Variants in GPR139 observed in about 807,000 individuals in gnomAD.
GPR139 encodes the protein G protein-coupled receptor 139.
GPR139 carries 12 observed loss-of-function variants against 25.8 expected under a neutral mutation model. That is an observed-to-expected ratio of 0.47 (90% CI 0.30 to 0.75). GPR139 has a LOEUF of 0.75. GPR139 is among the 30% of genes least tolerant of loss of function. The probability of loss-of-function intolerance (pLI) is 0.07; values close to 1 mark genes in which losing one functional copy is unlikely to be tolerated. For missense variants in GPR139, 380 were observed against 450.2 expected (o/e 0.84, Z 1.41); for synonymous variants, 184 against 179.9 (o/e 1.02, Z -0.18).
rs1278131938 is a variant in GPR139, at chr16:20,031,899, G to A, written c.898C>T (p.Leu300Phe). ...TTCTGGCACTTGAAGAAAGCCTTGA[G>A]CGTGGCGGCTGCCATGGTGCGGAAC... ...KRFRTMAAAT[L>F]KAFFKCQKQP... The change falls in exon 2 of 2, where the codon CTC becomes TTC. Residue 300 changes from leucine (L) to phenylalanine (F), a missense_variant. By Grantham distance (22) the Leu-to-Phe change is conservative (BLOSUM62 0). Transcript: ENST00000570682. The A allele has an allele frequency of 6.8e-6, 11 of 1,614,118 alleles. No homozygotes were observed. Among genetic ancestry groups the A allele is most frequent in the Middle Eastern group, 3.3e-4 (2 of 6,084 alleles).
chr16:20,036,551 C>T (rs1035972202), intron 1 of GPR139, among the ~76,000 whole-genome samples: 2 of 152,198 alleles, frequency 1.3e-5, no homozygotes, highest in South Asian at 4.1e-4. Flanking sequence ...TCACGTCTTA[C>T]ATGGTGGCCA....
chr16:20,038,447 T>C (rs1388534655), intron 1 of GPR139, among the ~76,000 whole-genome samples: 1 of 151,836 alleles, frequency 6.6e-6, no homozygotes, highest in Non-Finnish European at 1.5e-5. Context: ...CTAAAAATTC[T>C]CCATATCGAA....
At chr16:20,071,051 A>G in intron 1 of GPR139, 1 of 958,930 alleles carries the variant, frequency 1.0e-6, no homozygotes, top group Non-Finnish European at 1.2e-6. Flanking sequence ...AGTGTCAATA[A>G]ATGAATGTCA....
Position 20,029,484 on chromosome 16 carries a change from A to AATAAATAAATAAAT in GPR139, c.*2250_*2251insATTTATTTATTTAT, listed in dbSNP as rs1334867595. On this transcript the variant is annotated 3_prime_UTR_variant, in exon 2 of 2. Transcript: ENST00000570682. Reference sequence around the variant, plus strand: ...TACATGTTTAAAAAATAAATAAATAAATATATATATATATATATATTCAGT... The same window carrying AATAAATAAATAAAT: ...TACATGTTTAAAAAATAAATAAATAAATAAATAAATAAATATATATATATATATATATATTCAGT... Among the ~76,000 whole-genome samples, 11 of 144,100 alleles carry AATAAATAAATAAAT rather than the reference A, an allele frequency of 7.6e-5. No individual in the cohort carries two copies. The highest frequency in any genetic ancestry group is 2.8e-4 in the Admixed American group (4 of 14,542). The allele number at this position is 144,100 out of a possible 152,430, so 94.5% of individuals were successfully genotyped here.
chr16:20,052,788 CAAAA>C (rs56189908), intron 1 of GPR139, among the ~76,000 whole-genome samples: 4 of 121,990 alleles, frequency 3.3e-5, no homozygotes, highest in Admixed American at 7.9e-5. Context: ...GACTCCATCT[CAAAA>C]AAAAAAAAAA....
chr16:20,068,427 A>G (rs2057444887), intron 1 of GPR139, among the ~76,000 whole-genome samples: 1 of 152,148 alleles, frequency 6.6e-6, no homozygotes, highest in South Asian at 2.1e-4. Flanking sequence ...GGTAGTATAT[A>G]AAAATACAAT....
At chr16:20,067,293 A>T (rs545747510) in intron 1 of GPR139, among the ~76,000 whole-genome samples, 1 of 152,178 alleles carries the variant, frequency 6.6e-6, no homozygotes, top group Non-Finnish European at 1.5e-5. Flanking sequence ...GTCTCCAACT[A>T]TAGCAACACA....
At chr16:20,072,309 G>T (rs1237295613) in intron 1 of GPR139, among the ~76,000 whole-genome samples, 3 of 152,254 alleles carry the variant, frequency 2.0e-5, no homozygotes, top group Non-Finnish European at 2.9e-5. Context: ...CTCATCAGGG[G>T]CCCTGACTGC....
chr16:20,050,043 T>C (rs186576754), intron 1 of GPR139, among the ~76,000 whole-genome samples: 265 of 152,324 alleles, frequency 1.7e-3, no homozygotes, highest in African/African-American at 6.1e-3. Context: ...TCAGTAAACC[T>C]GAAGAACCAG....
At chr16:20,059,411 GTGCC>G (rs2057402796) in intron 1 of GPR139, among the ~76,000 whole-genome samples, 1 of 151,902 alleles carries the variant, frequency 6.6e-6, no homozygotes, top group African/African-American at 2.4e-5. Flanking sequence ...CTGGTCTTTC[GTGCC>G]AGCTGATTCT....
chr16:20,069,985 T>C (rs1339631663), intron 1 of GPR139, among the ~76,000 whole-genome samples: 1 of 152,146 alleles, frequency 6.6e-6, no homozygotes, highest in Non-Finnish European at 1.5e-5. Context: ...AGATGGAGTT[T>C]TAGGAATAGG....
At chr16:20,062,416 G>T (rs992077106) in intron 1 of GPR139, among the ~76,000 whole-genome samples, 11 of 152,196 alleles carry the variant, frequency 7.2e-5, no homozygotes, top group Admixed American at 5.9e-4. Flanking sequence ...GAGCCTGATT[G>T]CTCTGGCACC....
In GPR139 at chr16:20,073,526, C is replaced by T. The variant is rs777664660; in HGVS notation, c.91G>A (p.Val31Ile). ...SACGLGFVPV[V>I]YYSLLLCLGL... ...AGGCACAGCAAGAGGCTGTAGTAGA[C>T]CACGGGCACGAAACCCAAGCCGCAG... The change falls in exon 1 of 2, where the codon GTC (valine) becomes ATC (isoleucine). Residue 31 changes from valine (V) to isoleucine (I), a missense_variant. Transcript: ENST00000570682. The surrounding 1 kb of genome is among the most constrained non-coding windows in gnomAD (Gnocchi z 4.7). 7.5e-6 allele frequency: 12 copies of T among 1,610,462 alleles called. No individual in the cohort carries two copies. The highest frequency in any genetic ancestry group is 4.4e-5 in the South Asian group (4 of 90,224).
chr16:20,044,478 C>T (rs78667820), intron 1 of GPR139, among the ~76,000 whole-genome samples: 174 of 152,128 alleles, frequency 1.1e-3, no homozygotes, highest in Middle Eastern at 3.4e-3. Flanking sequence ...ATGACAGCAT[C>T]GTGGCTCACA....
chr16:20,060,607 A>G (rs1247172273), intron 1 of GPR139, among the ~76,000 whole-genome samples: 2 of 152,156 alleles, frequency 1.3e-5, no homozygotes, highest in Non-Finnish European at 2.9e-5. Flanking sequence ...ATGTTTGTCA[A>G]ACAAGTGGAG....
chr16:20,056,147 G>A lies in GPR139; in HGVS notation c.127+17343C>T, dbSNP rs192625112. Reference sequence around the variant, plus strand: ...TGCAGTATTTGGCTACTGACTTGGGGCTATGCCATCATGCTGTCAACCCCA... The same window carrying A: ...TGCAGTATTTGGCTACTGACTTGGGACTATGCCATCATGCTGTCAACCCCA... On this transcript the variant is annotated intron_variant, in intron 1 of 1. Coordinates refer to ENST00000570682, the MANE Select transcript of GPR139 (RefSeq NM_001002911.4). Among the ~76,000 whole-genome samples, 11 of 152,300 alleles carry A rather than the reference G, an allele frequency of 7.2e-5. No individual in the cohort carries two copies. The East Asian group carries it at 2.1e-3, about 29-fold the overall frequency.
intron 1 of GPR139, among the ~76,000 whole-genome samples, chr16:20,059,767 C>A (rs1037959841): frequency 6.6e-6 from 1 of 152,150 alleles, no homozygotes; most frequent in East Asian, 1.9e-4. Flanking sequence ...ATCTTATCAC[C>A]CTCATTCCCA....
At position 20,030,311 on chromosome 16, in the gene GPR139, CAA is replaced by C. The variant is rs2057283091; in HGVS notation, c.*1422_*1423del. The stretch of plus-strand genomic sequence containing the variant: ...GGTCACCAAAAATGTCATGCAATTT[CAA>C]AGTCAGTTTGGCAAATTTATTCCAA... On this transcript the variant is annotated 3_prime_UTR_variant, in exon 2 of 2. Transcript: ENST00000570682. 6.6e-6 allele frequency among the ~76,000 whole-genome samples: 1 copy of C among 151,898 alleles called. No individual in the cohort carries two copies.
intron 1 of GPR139, among the ~76,000 whole-genome samples, chr16:20,072,907 G>T (rs529953827): frequency 1.3e-5 from 2 of 152,280 alleles, no homozygotes; most frequent in African/African-American, 4.8e-5. Context: ...GCCAACCCCT[G>T]ATTCTCCTTA....
Sources: gnomAD v4.1 joint callset for allele counts (sites outside exome capture counted in the v4.1 genomes callset) on GRCh38, gnomAD v4.1.1 for gene constraint, Gnocchi (gnomAD v3.1) non-coding constraint, MANE v1.5 for transcripts, NCBI Gene and HGNC (gene_info 2026-07-23, HGNC 2026-07-21) for gene names.